Variants in DGKH observed in about 807,000 individuals in gnomAD.
DGKH encodes diacylglycerol kinase eta.
Under a neutral mutation model 159.3 loss-of-function variants are expected in DGKH, and 90 were observed. The observed-to-expected ratio is 0.57, with a 90% CI of 0.48 to 0.67. The LOEUF (loss-of-function observed/expected upper bound fraction) is 0.67. Among genes scored for constraint, DGKH ranks in the 30% least tolerant of loss-of-function variants. DGKH has a pLI of 0.00. For synonymous variants in DGKH, 536 were observed against 553.8 expected (o/e 0.97, Z 0.45); for missense variants, 1,181 against 1,506.1 (o/e 0.78, Z 3.57).
chr13:42,221,082 T>C, intron 28 of DGKH, 182 bp from the exon 29 acceptor site: 1 of 697,972 alleles, frequency 1.4e-6, no homozygotes, highest in Non-Finnish European at 2.3e-6. Flanking sequence ...GATCCTTGTG[T>C]TGATAGTGTG....
At chr13:42,152,731 G>T (rs1347909771) in intron 3 of DGKH, among the ~76,000 whole-genome samples, 2 of 151,758 alleles carry the variant, frequency 1.3e-5, no homozygotes, top group Non-Finnish European at 2.9e-5. Flanking sequence ...TGAAGTAACA[G>T]TTAGAACCAT....
At chr13:42,201,894 C>A (rs577614601) in intron 20 of DGKH, among the ~76,000 whole-genome samples, 1 of 152,052 alleles carries the variant, frequency 6.6e-6, no homozygotes, top group Admixed American at 6.6e-5. Context: ...ACATCTATAA[C>A]GTAATATAAA....
At chr13:42,225,271 G>A in intron 29 of DGKH, 2 of 1,585,292 alleles carry the variant, frequency 1.3e-6, no homozygotes, top group Non-Finnish European at 1.7e-6. Flanking sequence ...CAAACTGATT[G>A]CATCATTTTC....
In DGKH at chr13:42,141,028, C is replaced by CCATTAACTCGTCATTTACATTAGGGATAT. The variant is rs55860412; in HGVS notation, c.384+11397_384+11398insATTAACTCGTCATTTACATTAGGGATATC. ...CATGTGCCATGTTGGTGTGCTGAAC[C>CCATTAACTCGTCATTTACATTAGGGATAT]CTCCTAATGCTATCCCTCCCCCCTC... On this transcript the variant is annotated intron_variant, in intron 3 of 29. Coordinates refer to ENST00000337343, the MANE Select transcript of DGKH (RefSeq NM_178009.5). 3.8e-5 allele frequency among the ~76,000 whole-genome samples: 2 copies of CCATTAACTCGTCATTTACATTAGGGATAT among 52,094 alleles called. 1 individual carries two copies. Among genetic ancestry groups the CCATTAACTCGTCATTTACATTAGGGATAT allele is most frequent in the Non-Finnish European group, 7.9e-5 (2 of 25,322 alleles). 34.2% of individuals were successfully genotyped at this position (52,094 alleles called of 152,430 possible).
At chr13:42,156,691 C>T (rs1246133292) in intron 5 of DGKH, among the ~76,000 whole-genome samples, 4 of 151,892 alleles carry the variant, frequency 2.6e-5, no homozygotes, top group Non-Finnish European at 4.4e-5. Context: ...AGCTTTTTTT[C>T]TCTAATCCAA....
At chr13:42,066,720 A>G (rs1040456384) in intron 1 of DGKH, 2 of 152,102 alleles carry the variant, frequency 1.3e-5, no homozygotes, top group Non-Finnish European at 2.9e-5. Flanking sequence ...GCACCCTTTC[A>G]TGACGTGGTT....
intron 1 of DGKH, chr13:42,070,231 C>T (rs544793478): frequency 3.8e-5 from 42 of 1,108,914 alleles, no homozygotes; most frequent in South Asian, 2.0e-4. Flanking sequence ...CAGTGCTTCG[C>T]GACTAATTCC....
intron 4 of DGKH, 76 bp downstream of exon 4, chr13:42,155,471 C>T: frequency 6.7e-7 from 1 of 1,498,074 alleles, no homozygotes; most frequent in Non-Finnish European, 9.2e-7. Context: ...CTCTACCGTG[C>T]AAACATAAGT....
intron 1 of DGKH, among the ~76,000 whole-genome samples, chr13:42,117,599 A>T (rs547462412): frequency 6.6e-6 from 1 of 152,202 alleles, no homozygotes; most frequent in South Asian, 2.1e-4. Flanking sequence ...AGCTGTTTGT[A>T]TATTGTAACA....
At chr13:42,086,181 G>T (rs1044400073) in intron 1 of DGKH, among the ~76,000 whole-genome samples, 4 of 152,204 alleles carry the variant, frequency 2.6e-5, no homozygotes, top group Admixed American at 2.6e-4. Flanking sequence ...GTTTCCCAAA[G>T]TGTTGGGATT....
At chr13:42,100,870 T>C (rs9525570) in intron 1 of DGKH, among the ~76,000 whole-genome samples, 20,622 of 152,234 alleles carry the variant, frequency 0.14, 1,592 homozygotes, top group South Asian at 0.18. Context: ...TTTAATTAAA[T>C]GCTTGAAACT....
intron 5 of DGKH, among the ~76,000 whole-genome samples, chr13:42,158,571 C>A (rs1414480622): frequency 1.3e-5 from 2 of 151,834 alleles, no homozygotes; most frequent in Non-Finnish European, 2.9e-5. Flanking sequence ...TTATAAGTTC[C>A]TTTTGATAAT....
chr13:42,187,732 T>C (rs1228034471), intron 14 of DGKH, among the ~76,000 whole-genome samples: 1 of 152,160 alleles, frequency 6.6e-6, no homozygotes, highest in Non-Finnish European at 1.5e-5. Context: ...CCCATGCAGC[T>C]GGGCTCCAGT....
intron 12 of DGKH, among the ~76,000 whole-genome samples, chr13:42,177,021 G>T (rs180740746): frequency 6.6e-6 from 1 of 152,298 alleles, no homozygotes; most frequent in African/African-American, 2.4e-5. Flanking sequence ...ATGATTATAT[G>T]AAAGTGTATT....
At position 42,153,000 on chromosome 13, in the gene DGKH, A is replaced by G. The variant is rs1456679471; in HGVS notation, c.385-2291A>G. Reference sequence around the variant, plus strand: ...CTGTCCGTGGACAAATCTAATCAGTAGATTTCTTAATCACAAGGCCTATAA... The same window carrying G: ...CTGTCCGTGGACAAATCTAATCAGTGGATTTCTTAATCACAAGGCCTATAA... On this transcript the variant is annotated intron_variant, in intron 3 of 29. Coordinates refer to ENST00000337343, the MANE Select transcript of DGKH (RefSeq NM_178009.5). Among the ~76,000 whole-genome samples the G allele has an allele frequency of 2.6e-5, 4 of 152,172 alleles. No individual in the cohort carries two copies. The East Asian group carries it at 7.7e-4, about 29-fold the overall frequency.
intron 1 of DGKH, among the ~76,000 whole-genome samples, chr13:42,064,359 C>T (rs1041523637): frequency 6.6e-6 from 1 of 152,102 alleles, no homozygotes; most frequent in African/African-American, 2.4e-5. Flanking sequence ...ATTTAGGGCA[C>T]ACCTGAGCCG....
intron 1 of DGKH, among the ~76,000 whole-genome samples, chr13:42,074,647 C>T (rs1040738557): frequency 8.9e-6 from 1 of 112,402 alleles, no homozygotes. Context: ...TGTATCTATC[C>T]GTCCATCCAT....
chr13:42,130,880 A>G (rs910831802), intron 3 of DGKH, among the ~76,000 whole-genome samples: 1 of 152,028 alleles, frequency 6.6e-6, no homozygotes, highest in Non-Finnish European at 1.5e-5. Flanking sequence ...GGAAAATGTT[A>G]AAATTCAAGG....
chr13:42,126,131 A>G (rs907527349), intron 1 of DGKH, among the ~76,000 whole-genome samples: 1 of 152,108 alleles, frequency 6.6e-6, no homozygotes, highest in South Asian at 2.1e-4. Context: ...TCTTCTTTCC[A>G]TCCAATTAAA....
Sources: gnomAD v4.1 joint callset for allele counts (sites outside exome capture counted in the v4.1 genomes callset) on GRCh38, gnomAD v4.1.1 for gene constraint, MANE v1.5 for transcripts, NCBI Gene and HGNC (gene_info 2026-07-23, HGNC 2026-07-21) for gene names.